RPS6KC1: variants seen among roughly 807,000 people sequenced by gnomAD.
RPS6KC1 encodes the protein ribosomal protein S6 kinase C1.
Under a neutral mutation model 103.8 loss-of-function variants are expected in RPS6KC1, and 54 were observed. The ratio of observed to expected loss-of-function variants is 0.52; its 90% CI spans 0.42 to 0.65. The LOEUF (loss-of-function observed/expected upper bound fraction) is 0.65. Among genes scored for constraint, RPS6KC1 ranks in the 30% least tolerant of loss-of-function variants. The pLI, the probability that RPS6KC1 is intolerant of heterozygous loss-of-function variation, is 0.00. For synonymous variants in RPS6KC1, 439 were observed against 438.7 expected (o/e 1.00, Z -0.01); for missense variants, 1,151 against 1,253.8 (o/e 0.92, Z 1.24).
the RPS6KC1 span, among the ~76,000 whole-genome samples, chr1:213,766,998 C>T: frequency 1.3e-5 from 2 of 152,112 alleles, no homozygotes; most frequent in Non-Finnish European, 2.9e-5. Flanking sequence ...CCTCAGCTAT[C>T]CAGTTCCATT....
At chr1:213,727,444 A>G in the RPS6KC1 span, among the ~76,000 whole-genome samples, 1 of 152,204 alleles carries the variant, frequency 6.6e-6, no homozygotes, top group African/African-American at 2.4e-5. Flanking sequence ...ATTTGCAGGT[A>G]GGAGGGGAAA....
At chr1:213,502,556 A>C in the RPS6KC1 span, among the ~76,000 whole-genome samples, 1 of 152,176 alleles carries the variant, frequency 6.6e-6, no homozygotes, top group Admixed American at 6.5e-5. Context: ...TCAAAATGGG[A>C]GAGTTGGTTA....
chr1:213,327,821 C>G, the RPS6KC1 span, among the ~76,000 whole-genome samples: 1 of 152,170 alleles, frequency 6.6e-6, no homozygotes, highest in East Asian at 1.9e-4. Flanking sequence ...TCCCACCTCC[C>G]TTTGCTTTGC....
At chr1:213,511,537 G>A in the RPS6KC1 span, among the ~76,000 whole-genome samples, 1 of 152,168 alleles carries the variant, frequency 6.6e-6, no homozygotes, top group Non-Finnish European at 1.5e-5. Flanking sequence ...TCACCCCTCT[G>A]CTCCGAATCC....
At chr1:213,545,744 G>A in the RPS6KC1 span, among the ~76,000 whole-genome samples, 1 of 152,190 alleles carries the variant, frequency 6.6e-6, no homozygotes, top group East Asian at 1.9e-4. Flanking sequence ...TGTGGGCTCT[G>A]TGAAGAAGAG....
chr1:213,509,603 T>G, the RPS6KC1 span, among the ~76,000 whole-genome samples: 2 of 152,218 alleles, frequency 1.3e-5, no homozygotes, highest in Admixed American at 6.5e-5. Context: ...AACTTTAATT[T>G]CTTAGCAGCG....
chr1:213,737,136 A>G, the RPS6KC1 span, among the ~76,000 whole-genome samples: 1 of 152,200 alleles, frequency 6.6e-6, no homozygotes, highest in Non-Finnish European at 1.5e-5. Flanking sequence ...TTCATTTTAC[A>G]TATAAAAAGC....
the RPS6KC1 span, among the ~76,000 whole-genome samples, chr1:213,643,691 G>C: frequency 6.6e-6 from 1 of 151,812 alleles, no homozygotes; most frequent in Non-Finnish European, 1.5e-5. Flanking sequence ...GAAGTTAGGA[G>C]GGAAAAGGTC....
chr1:213,469,592 A>G, the RPS6KC1 span, among the ~76,000 whole-genome samples: 2 of 152,186 alleles, frequency 1.3e-5, no homozygotes, highest in African/African-American at 4.8e-5. Flanking sequence ...GCCTCCTCCA[A>G]TGTCACACCC....
intron 9 of RPS6KC1, among the ~76,000 whole-genome samples, chr1:213,231,205 A>T (rs1445929949): frequency 6.6e-6 from 1 of 152,204 alleles, no homozygotes; most frequent in Non-Finnish European, 1.5e-5. Flanking sequence ...TGAAGACTAC[A>T]CACAGTCTCA....
At chr1:213,466,735 T>G in the RPS6KC1 span, among the ~76,000 whole-genome samples, 2 of 152,136 alleles carry the variant, frequency 1.3e-5, no homozygotes, top group Non-Finnish European at 2.9e-5. Flanking sequence ...GTGTCTCTGG[T>G]TCAGAGTCTT....
the RPS6KC1 span, among the ~76,000 whole-genome samples, chr1:213,361,683 A>G: frequency 6.6e-6 from 1 of 152,294 alleles, no homozygotes; most frequent in South Asian, 2.1e-4. Context: ...CCATCTTGGA[A>G]CTGCCCTGCG....
chr1:213,184,596 A>G (rs1201901070), intron 8 of RPS6KC1, among the ~76,000 whole-genome samples: 1 of 151,934 alleles, frequency 6.6e-6, no homozygotes, highest in African/African-American at 2.4e-5. Flanking sequence ...AAATTATTTG[A>G]AATTTTTCTT....
the RPS6KC1 span, among the ~76,000 whole-genome samples, chr1:213,738,911 GA>G: frequency 6.8e-6 from 1 of 146,514 alleles, no homozygotes; most frequent in African/African-American, 2.5e-5. Flanking sequence ...TAAAACTGAA[GA>G]AATGTCTAAG....
At chr1:213,360,098 T>C in the RPS6KC1 span, among the ~76,000 whole-genome samples, 1 of 152,350 alleles carries the variant, frequency 6.6e-6, no homozygotes, top group East Asian at 1.9e-4. Flanking sequence ...ATTTGAATGT[T>C]GGCCTGCCTT....
the RPS6KC1 span, among the ~76,000 whole-genome samples, chr1:213,579,991 A>T: frequency 6.6e-6 from 1 of 152,088 alleles, no homozygotes; most frequent in Non-Finnish European, 1.5e-5. Flanking sequence ...CATCCATTCT[A>T]TAGCTTATGG....
chr1:213,635,356 C>T, the RPS6KC1 span, among the ~76,000 whole-genome samples: 8 of 152,266 alleles, frequency 5.3e-5, no homozygotes, highest in Admixed American at 2.0e-4. Flanking sequence ...TAATGAACAT[C>T]GATGTGAAAA....
the RPS6KC1 span, among the ~76,000 whole-genome samples, chr1:213,783,481 C>G: frequency 6.6e-6 from 1 of 152,260 alleles, no homozygotes; most frequent in East Asian, 1.9e-4. Context: ...GTTGCCTCCC[C>G]CCCTCAGATC....
At chr1:213,706,321 C>G in the RPS6KC1 span, among the ~76,000 whole-genome samples, 2 of 152,182 alleles carry the variant, frequency 1.3e-5, no homozygotes. Context: ...CTTCTGTGGG[C>G]AGGCATCAGC....
Sources: gnomAD v4.1 joint callset for allele counts (sites outside exome capture counted in the v4.1 genomes callset) on GRCh38, gnomAD v4.1.1 for gene constraint, MANE v1.5 for transcripts, NCBI Gene and HGNC (gene_info 2026-07-23, HGNC 2026-07-21) for gene names.